GRIA4: variants seen among roughly 807,000 people sequenced by gnomAD.
The protein encoded by GRIA4 is glutamate ionotropic receptor AMPA type subunit 4, also known as glutamate receptor 4.
Under a neutral mutation model 104.0 loss-of-function variants are expected in GRIA4, and 34 were observed. The observed-to-expected ratio is 0.33, with a 90% CI of 0.25 to 0.44. GRIA4 has a LOEUF of 0.44. Among genes scored for constraint, GRIA4 ranks in the 20% least tolerant of loss-of-function variants. The pLI is 1.00. For synonymous variants in GRIA4, 386 were observed against 381.9 expected (o/e 1.01, Z -0.13); for missense variants, 750 against 1,096.5 (o/e 0.68, Z 4.46).
At position 105,732,681 on chromosome 11, in the gene GRIA4, C is replaced by T. The variant is rs1938675699; in HGVS notation, c.248-20300C>T. Among the ~76,000 whole-genome samples the T allele has an allele frequency of 2.6e-5, 4 of 152,108 alleles. No individual in the cohort carries two copies. In the South Asian group the frequency reaches 8.3e-4, roughly 31 times the overall value. On this transcript the variant is annotated intron_variant, in intron 3 of 16. Transcript: ENST00000282499. ...AGCTGGATTTTTACACGATCCAATG[C>T]CAGTATCACAAAGCATGGCAAAGAA...
Position 105,954,751 on chromosome 11 carries a change from T to A in GRIA4, c.2295-17163T>A, listed in dbSNP as rs1948540337. Among the ~76,000 whole-genome samples, 5 of 152,018 alleles carry A rather than the reference T, an allele frequency of 3.3e-5. No homozygotes were observed. The South Asian group carries it at 1.0e-3, about 32-fold the overall frequency. Reference sequence around the variant, plus strand: ...ATAACGCCAGAAGCTTTGTAACATATGGTACCCCAATTTAGAAAAACCTGA... The same window carrying A: ...ATAACGCCAGAAGCTTTGTAACATAAGGTACCCCAATTTAGAAAAACCTGA... On this transcript the variant is annotated intron_variant, in intron 14 of 16. Coordinates refer to ENST00000282499, the MANE Select transcript of GRIA4 (RefSeq NM_000829.4).
intron 6 of GRIA4, among the ~76,000 whole-genome samples, chr11:105,894,034 G>A (rs972995394): frequency 2.6e-5 from 4 of 152,152 alleles, no homozygotes; most frequent in Admixed American, 1.3e-4. Context: ...TATCTGTTGA[G>A]TGAATTAATT....
intron 7 of GRIA4, among the ~76,000 whole-genome samples, chr11:105,900,281 G>A (rs1230657550): frequency 1.3e-5 from 2 of 152,086 alleles, no homozygotes; most frequent in Non-Finnish European, 2.9e-5. Context: ...TTTCAACCAA[G>A]ATTAAAAGCA....
chr11:105,721,615 T>C (rs1937827093), intron 3 of GRIA4, among the ~76,000 whole-genome samples: 1 of 152,182 alleles, frequency 6.6e-6, no homozygotes, highest in South Asian at 2.1e-4. Flanking sequence ...CTGCCAAAGA[T>C]CCTGCCCTAG....
chr11:105,731,794 G>A (rs900416733), intron 3 of GRIA4, among the ~76,000 whole-genome samples: 19 of 151,830 alleles, frequency 1.3e-4, no homozygotes, highest in African/African-American at 7.3e-5. Flanking sequence ...ACCAAACCCC[G>A]CATGTTCTCA....
intron 3 of GRIA4, among the ~76,000 whole-genome samples, chr11:105,736,932 A>G (rs1938992302): frequency 6.6e-6 from 1 of 152,118 alleles, no homozygotes; most frequent in Admixed American, 6.6e-5. Context: ...TACTGCTTTC[A>G]TCACACACAA....
chr11:105,898,235 T>C (rs1484800726), intron 6 of GRIA4, 34 bp from the exon 7 acceptor site: 5 of 1,163,918 alleles, frequency 4.3e-6, no homozygotes, highest in Non-Finnish European at 5.1e-6. Context: ...TATAATAAAC[T>C]AAATTTAACA....
intron 4 of GRIA4, among the ~76,000 whole-genome samples, chr11:105,777,652 T>A (rs1353937294): frequency 6.6e-6 from 1 of 152,136 alleles, no homozygotes; most frequent in Non-Finnish European, 1.5e-5. Context: ...CTAGATACCA[T>A]CAAGATGAAG....
intron 4 of GRIA4, among the ~76,000 whole-genome samples, chr11:105,826,419 TTGTC>T (rs1381461778): frequency 6.6e-6 from 1 of 152,038 alleles, no homozygotes. Context: ...CAACTGGAGC[TTGTC>T]TGTCTTAGGG....
chr11:105,698,421 TA>T (rs941717853), intron 3 of GRIA4, among the ~76,000 whole-genome samples: 2 of 152,128 alleles, frequency 1.3e-5, no homozygotes, highest in Non-Finnish European at 2.9e-5. Context: ...CAAATTAAGA[TA>T]GTAGTCATAT....
chr11:105,737,535 G>C (rs1215714823), intron 3 of GRIA4, among the ~76,000 whole-genome samples: 1 of 151,944 alleles, frequency 6.6e-6, no homozygotes, highest in Non-Finnish European at 1.5e-5. Context: ...TTATTGTTCT[G>C]AGTTATATAT....
chr11:105,759,104 T>C (rs557928449), intron 4 of GRIA4, among the ~76,000 whole-genome samples: 22 of 152,130 alleles, frequency 1.4e-4, no homozygotes, highest in Non-Finnish European at 3.2e-4. Flanking sequence ...CACTTTGTGT[T>C]TTATATAAAG....
intron 2 of GRIA4, 126 bp from the exon 3 acceptor site, chr11:105,612,150 G>A (rs1950497878): frequency 2.2e-5 from 17 of 781,246 alleles, no homozygotes; most frequent in Non-Finnish European, 3.3e-5. Flanking sequence ...AGTCTCCCTA[G>A]ATGTGGCAGG....
At chr11:105,971,693 C>T (rs1283137583) in intron 14 of GRIA4, among the ~76,000 whole-genome samples, 3 of 152,138 alleles carry the variant, frequency 2.0e-5, no homozygotes, top group South Asian at 2.1e-4. Context: ...TAATTGCATA[C>T]ATTTTATTTA....
intron 4 of GRIA4, among the ~76,000 whole-genome samples, chr11:105,761,588 A>T (rs1940653466): frequency 6.6e-6 from 1 of 152,182 alleles, no homozygotes; most frequent in Admixed American, 6.6e-5. Context: ...ACTCAACTCC[A>T]ATGTGGCAGT....
intron 3 of GRIA4, among the ~76,000 whole-genome samples, chr11:105,643,248 A>G (rs1358641377): frequency 2.6e-5 from 4 of 152,190 alleles, no homozygotes; most frequent in Admixed American, 2.6e-4. Context: ...ATAGCTCATT[A>G]CAGTTTTCTA....
intron 3 of GRIA4, among the ~76,000 whole-genome samples, chr11:105,684,287 T>C (rs1952801470): frequency 6.6e-6 from 1 of 152,082 alleles, no homozygotes; most frequent in Non-Finnish European, 1.5e-5. Context: ...ACAAATATTA[T>C]CAACGACATT....
intron 10 of GRIA4, among the ~76,000 whole-genome samples, chr11:105,917,952 G>A (rs1947457831): frequency 6.6e-6 from 1 of 151,246 alleles, no homozygotes; most frequent in Admixed American, 6.6e-5. Context: ...TGTCTCACTT[G>A]CTTAGAAAAC....
chr11:105,695,480 G>C lies in GRIA4; in HGVS notation c.248-57501G>C, dbSNP rs200032856. On this transcript the variant is annotated intron_variant, in intron 3 of 16. Coordinates refer to ENST00000282499, the MANE Select transcript of GRIA4 (RefSeq NM_000829.4). The stretch of plus-strand genomic sequence containing the variant: ...TGTGTCTGTGTGTGTGTGTGTGTCT[G>C]TGTGTGTGTGTGTGTGTGTGTCTGT... 2.0e-3 allele frequency among the ~76,000 whole-genome samples: 34 copies of C among 16,794 alleles called. No individual in the cohort carries two copies. The South Asian group carries it at 0.062, about 31-fold the overall frequency. 11.0% of individuals were successfully genotyped at this position (16,794 alleles called of 152,430 possible).
Sources: gnomAD v4.1 joint callset for allele counts (sites outside exome capture counted in the v4.1 genomes callset) on GRCh38, gnomAD v4.1.1 for gene constraint, MANE v1.5 for transcripts, NCBI Gene and HGNC (gene_info 2026-07-23, HGNC 2026-07-21) for gene names.